INTS4: variants seen among roughly 807,000 people sequenced by gnomAD.
The protein encoded by INTS4 is MSTP093.
INTS4 carries 70 observed loss-of-function variants against 119.5 expected under a neutral mutation model. That is an observed-to-expected ratio of 0.59 (90% confidence interval 0.48 to 0.71). The LOEUF (loss-of-function observed/expected upper bound fraction) is 0.71, where lower values mean the gene tolerates loss of function less well. Ranked by LOEUF, INTS4 falls within the 30% of genes least tolerant of loss-of-function variation. The probability of loss-of-function intolerance (pLI) is 0.00; values close to 1 mark genes in which losing one functional copy is unlikely to be tolerated. For missense variants in INTS4, 867 were observed against 1,173.2 expected, an observed-to-expected ratio of 0.74 and a Z score of 3.81; for synonymous variants, 316 against 419.6, an observed-to-expected ratio of 0.75 and a Z score of 3.02.
chr11:77,893,429 G>C (rs1449746613), intron 19 of INTS4, among the ~76,000 whole-genome samples: 1 of 151,890 alleles, frequency 6.6e-6, no homozygotes, highest in Non-Finnish European at 1.5e-5. Context: ...AACACAGCAA[G>C]ACCCCATCTC....
intron 22 of INTS4, among the ~76,000 whole-genome samples, chr11:77,880,508 C>T (rs1327120991): frequency 6.6e-6 from 1 of 152,198 alleles, no homozygotes; most frequent in Non-Finnish European, 1.5e-5. Context: ...TGTCATGAAA[C>T]TAACACTGTT....
chr11:77,937,168 G>A (rs575707220), intron 10 of INTS4, among the ~76,000 whole-genome samples: 190 of 150,628 alleles, frequency 1.3e-3, no homozygotes, highest in African/African-American at 4.4e-3. Flanking sequence ...CTCTGTCCCC[G>A]CCACACCCCC....
intron 10 of INTS4, among the ~76,000 whole-genome samples, chr11:77,937,839 A>G (rs1342582135): frequency 6.7e-6 from 1 of 149,766 alleles, no homozygotes; most frequent in African/African-American, 2.4e-5. Flanking sequence ...TTATTTATTT[A>G]TTTATTTATT....
At chr11:77,989,123 CA>C (rs1192519682) in intron 2 of INTS4, among the ~76,000 whole-genome samples, 1 of 151,974 alleles carries the variant, frequency 6.6e-6, no homozygotes, top group African/African-American at 2.4e-5. Flanking sequence ...AAGAAAACAA[CA>C]AAAAGGTATC....
At position 77,939,782 on chromosome 11, in the gene INTS4, T is replaced by C. The variant is rs576679709; in HGVS notation, c.991-957A>G. 1.4e-3 allele frequency among the ~76,000 whole-genome samples: 218 copies of C among 151,360 alleles called. 1 individual carries two copies. The highest frequency in any genetic ancestry group is 3.4e-3 in the Middle Eastern group (1 of 290). On this transcript the variant is annotated intron_variant, in intron 9 of 22. Coordinates refer to ENST00000534064, the MANE Select transcript of INTS4 (RefSeq NM_033547.4). ...ATCACTTGAGCCCGGGAGGCAGAGGTTGCAGTGAACCAAGATCACACCACT... is the reference window on the plus strand; with the variant it reads ...ATCACTTGAGCCCGGGAGGCAGAGGCTGCAGTGAACCAAGATCACACCACT...
rs1363320606 is a variant in INTS4, at chr11:77,958,729, C to G, written c.797+17G>C. The G allele has an allele frequency of 6.5e-7, 1 of 1,544,822 alleles. No individual in the cohort carries two copies. The highest frequency in any genetic ancestry group is 1.1e-5 in the South Asian group (1 of 89,018). ...CGGCTTCACAATCAACAAAAGCCAG[C>G]TTACACCCACACTGACCTTTCAGGA... On this transcript the variant is annotated intron_variant, in intron 7 of 22. Coordinates refer to ENST00000534064, the MANE Select transcript of INTS4 (RefSeq NM_033547.4).
At chr11:77,972,833 T>G (rs1282965779) in intron 4 of INTS4, among the ~76,000 whole-genome samples, 4 of 40,348 alleles carry the variant, frequency 9.9e-5, no homozygotes, top group African/African-American at 2.8e-4. Flanking sequence ...TTTTGTGGGT[T>G]TTTTTTTTTT....
intron 8 of INTS4, among the ~76,000 whole-genome samples, chr11:77,942,767 G>A (rs1459945643): frequency 6.6e-6 from 1 of 152,150 alleles, no homozygotes; most frequent in East Asian, 1.9e-4. Flanking sequence ...ATTTATCTGA[G>A]ATCTTCTCTA....
At chr11:77,920,595 G>A (rs1358885591) in intron 14 of INTS4, among the ~76,000 whole-genome samples, 1 of 152,020 alleles carries the variant, frequency 6.6e-6, no homozygotes, top group African/African-American at 2.4e-5. Flanking sequence ...GCTCATGCCT[G>A]TAATCCCAGC....
At chr11:77,934,659 C>G (rs369093157) in intron 10 of INTS4, among the ~76,000 whole-genome samples, 2 of 151,778 alleles carry the variant, frequency 1.3e-5, no homozygotes, top group South Asian at 2.1e-4. Flanking sequence ...AGAAACGAAA[C>G]AAAGCAAAAA....
At chr11:77,917,864 G>A (rs530793536) in intron 15 of INTS4, among the ~76,000 whole-genome samples, 4 of 151,558 alleles carry the variant, frequency 2.6e-5, no homozygotes, top group Admixed American at 1.3e-4. Flanking sequence ...TAGAGTCATC[G>A]CATGTAAACC....
intron 10 of INTS4, among the ~76,000 whole-genome samples, chr11:77,932,141 A>T (rs1291042064): frequency 2.0e-5 from 3 of 152,218 alleles, no homozygotes; most frequent in African/African-American, 7.2e-5. Flanking sequence ...CTATCATCAG[A>T]GTGAACAGGC....
chr11:77,984,451 G>A (rs1413913776), intron 2 of INTS4, among the ~76,000 whole-genome samples: 5 of 151,130 alleles, frequency 3.3e-5, no homozygotes, highest in African/African-American at 9.7e-5. Flanking sequence ...CTGAGATCAC[G>A]CCACTGCACT....
chr11:77,960,299 T>A (rs1285615696), intron 6 of INTS4, 42 bp downstream of exon 6: 1 of 1,460,132 alleles, frequency 6.8e-7, no homozygotes, highest in East Asian at 2.3e-5. Context: ...CCCAGCTTCA[T>A]GATACCTCCA....
chr11:77,966,173 T>C (rs1855497074), intron 4 of INTS4, among the ~76,000 whole-genome samples: 1 of 152,230 alleles, frequency 6.6e-6, no homozygotes, highest in South Asian at 2.1e-4. Context: ...TGCTACTTAG[T>C]TGAATTCCTT....
intron 18 of INTS4, among the ~76,000 whole-genome samples, chr11:77,895,645 G>A (rs1381343086): frequency 6.6e-6 from 1 of 151,250 alleles, no homozygotes; most frequent in Non-Finnish European, 1.5e-5. Flanking sequence ...ACCACAAGGA[G>A]TGAGAGGGCT....
intron 4 of INTS4, among the ~76,000 whole-genome samples, chr11:77,977,141 AT>A (rs1855984578): frequency 6.6e-6 from 1 of 152,174 alleles, no homozygotes; most frequent in African/African-American, 2.4e-5. Context: ...AATGTTTTCA[AT>A]TAGTAATTTA....
At chr11:77,930,660 T>C (rs527402506) in intron 10 of INTS4, among the ~76,000 whole-genome samples, 25 of 152,142 alleles carry the variant, frequency 1.6e-4, no homozygotes, top group East Asian at 1.4e-3. Context: ...AGCAAGAAAA[T>C]TGATATTTTC....
intron 19 of INTS4, 127 bp from the exon 20 acceptor site, chr11:77,891,967 G>A (rs1487003179): frequency 5.5e-6 from 8 of 1,454,862 alleles, no homozygotes; most frequent in African/African-American, 1.4e-5. Context: ...TGCAGTTTAC[G>A]ACCAAGATAG....
Sources: gnomAD v4.1 joint callset for allele counts (sites outside exome capture counted in the v4.1 genomes callset) on GRCh38, gnomAD v4.1.1 for gene constraint, MANE v1.5 for transcripts, NCBI Gene and HGNC (gene_info 2026-07-23, HGNC 2026-07-21) for gene names.